BCAR3: variants seen among roughly 807,000 people sequenced by gnomAD.
The protein encoded by BCAR3 is BCAR3 adaptor protein, NSP family member.
BCAR3 carries 37 observed loss-of-function variants against 80.1 expected under a neutral mutation model. That is an observed-to-expected ratio of 0.46 (90% CI 0.36 to 0.61). The LOEUF is 0.61. Among genes scored for constraint, BCAR3 ranks in the 20% least tolerant of loss-of-function variants. The pLI, the probability that BCAR3 is intolerant of heterozygous loss-of-function variation, is 0.00. For missense variants in BCAR3, 978 were observed against 1,068.2 expected (o/e 0.92, Z 1.18); for synonymous variants, 389 against 418.9 (o/e 0.93, Z 0.87).
intron 2 of BCAR3, among the ~76,000 whole-genome samples, chr1:93,724,944 C>T (rs932449750): frequency 3.9e-5 from 6 of 152,198 alleles, no homozygotes; most frequent in Admixed American, 2.6e-4. Context: ...AACTGCCTGA[C>T]GGAAGGGTCC....
chr1:93,783,020 G>T (rs894915494), intron 2 of BCAR3, among the ~76,000 whole-genome samples: 1 of 152,054 alleles, frequency 6.6e-6, no homozygotes, highest in African/African-American at 2.4e-5. Context: ...ATTTCAGAAG[G>T]AAAAAAACAT....
At chr1:93,580,833 G>A (rs1193739206) in intron 7 of BCAR3, among the ~76,000 whole-genome samples, 1 of 152,146 alleles carries the variant, frequency 6.6e-6, no homozygotes, top group African/African-American at 2.4e-5. Flanking sequence ...ATGAACAAAA[G>A]TCACTTACAT....
At chr1:93,751,310 C>G (rs1367285878) in intron 2 of BCAR3, among the ~76,000 whole-genome samples, 1 of 152,174 alleles carries the variant, frequency 6.6e-6, no homozygotes. Context: ...TCAACATAAA[C>G]CTCTGGACTT....
chr1:93,755,702 C>T (rs890148995), intron 2 of BCAR3, among the ~76,000 whole-genome samples: 1 of 152,082 alleles, frequency 6.6e-6, no homozygotes, highest in Non-Finnish European at 1.5e-5. Flanking sequence ...CCAAATGTAT[C>T]CCCATCATTA....
At chr1:93,726,748 T>C (rs188400117) in intron 2 of BCAR3, among the ~76,000 whole-genome samples, 48 of 152,326 alleles carry the variant, frequency 3.2e-4, no homozygotes, top group African/African-American at 1.1e-3. Context: ...GTGTCTTAGA[T>C]TCTATGAAAT....
chr1:93,744,315 T>C (rs1252611462), intron 2 of BCAR3, among the ~76,000 whole-genome samples: 1 of 152,188 alleles, frequency 6.6e-6, no homozygotes, highest in African/African-American at 2.4e-5. Flanking sequence ...AGTCCCTTTC[T>C]TCCTCCTGAG....
chr1:93,589,469 C>G, intron 4 of BCAR3, 50 bp from the exon 5 acceptor site: 1 of 1,484,220 alleles, frequency 6.7e-7, no homozygotes, highest in Non-Finnish European at 9.1e-7. Context: ...ATTCACATTC[C>G]TTCTAAAAGC....
Position 93,731,847 on chromosome 1 carries a change from C to T in BCAR3, c.-62-25705G>A, listed in dbSNP as rs1210032424. Among the ~76,000 whole-genome samples the T allele has an allele frequency of 2.6e-5, 4 of 152,116 alleles. No homozygotes were observed. In the East Asian group the frequency reaches 7.7e-4, roughly 29 times the overall value. On this transcript the variant is annotated intron_variant, in intron 2 of 13. Coordinates refer to the BCAR3 transcript ENST00000370244. ...GAGTAGGGAGTGGGAATATTATCCT[C>T]CCAGATTTCAAGGGGCCTTCCCCTC...
chr1:93,687,694 AC>A (rs1649023375), intron 3 of BCAR3, among the ~76,000 whole-genome samples: 1 of 152,216 alleles, frequency 6.6e-6, no homozygotes. Context: ...TCTGAGCAGC[AC>A]AAAAGCCTTT....
intron 2 of BCAR3, among the ~76,000 whole-genome samples, chr1:93,655,081 C>T (rs374864796): frequency 3.3e-5 from 5 of 152,216 alleles, no homozygotes; most frequent in African/African-American, 4.8e-5. Flanking sequence ...TAAACCTAAG[C>T]GCAGCGTTCG....
upstream of BCAR3, among the ~76,000 whole-genome samples, chr1:93,683,733 C>A (rs1209687205): frequency 1.3e-5 from 2 of 152,166 alleles, no homozygotes; most frequent in African/African-American, 2.4e-5. Context: ...ATAGTCAAAG[C>A]ATATCTGTGA....
At chr1:93,666,130 G>A (rs116750694) in intron 2 of BCAR3, among the ~76,000 whole-genome samples, 6 of 152,174 alleles carry the variant, frequency 3.9e-5, no homozygotes, top group Non-Finnish European at 2.9e-5. Context: ...AAAACTGATC[G>A]TGCCATTCCC....
At chr1:93,749,012 T>G (rs1209217173) in intron 2 of BCAR3, among the ~76,000 whole-genome samples, 1 of 152,182 alleles carries the variant, frequency 6.6e-6, no homozygotes, top group Non-Finnish European at 1.5e-5. Context: ...AACTAAATTA[T>G]CATTAAGTTT....
intron 2 of BCAR3, among the ~76,000 whole-genome samples, chr1:93,774,908 G>A (rs1652492127): frequency 6.6e-6 from 1 of 152,084 alleles, no homozygotes; most frequent in African/African-American, 2.4e-5. Context: ...CCACACAGCA[G>A]GAAAGAAAAG....
At chr1:93,712,748 T>C (rs1324597010) in intron 2 of BCAR3, among the ~76,000 whole-genome samples, 3 of 152,192 alleles carry the variant, frequency 2.0e-5, no homozygotes, top group South Asian at 2.1e-4. Context: ...ACTATTTCCC[T>C]TATGAAAAGA....
At chr1:93,664,981 T>C (rs1647834027) in intron 2 of BCAR3, among the ~76,000 whole-genome samples, 1 of 151,816 alleles carries the variant, frequency 6.6e-6, no homozygotes, top group Non-Finnish European at 1.5e-5. Context: ...GTAAAGGCTT[T>C]TTCTAACTAA....
intron 3 of BCAR3, among the ~76,000 whole-genome samples, chr1:93,621,846 C>T (rs1361424858): frequency 6.6e-6 from 1 of 151,990 alleles, no homozygotes; most frequent in Admixed American, 6.6e-5. Flanking sequence ...GTGAAAGGTC[C>T]CCAGAAGCCA....
chr1:93,803,025 C>A (rs1253342575), intron 2 of BCAR3, among the ~76,000 whole-genome samples: 1 of 152,218 alleles, frequency 6.6e-6, no homozygotes, highest in African/African-American at 2.4e-5. Flanking sequence ...AGGAGATGCT[C>A]ACCTGTTGAA....
chr1:93,592,591 C>T lies in BCAR3; in HGVS notation c.358-198G>A, dbSNP rs1674258981. 3.3e-6 allele frequency: 2 copies of T among 613,446 alleles called. No homozygotes were observed. The highest frequency in any genetic ancestry group is 2.7e-6 in the Non-Finnish European group (1 of 374,338). The allele number at this position is 613,446 out of a possible 1,614,324, so 38.0% of individuals were successfully genotyped here. ...AACCATGTAATAAAATTTTCACCTG[C>T]ACATGGGGACTATGGTAGGAGAGTC... is the stretch of plus-strand genomic sequence containing the variant. On this transcript the variant is annotated intron_variant, in intron 3 of 11. Transcript: ENST00000260502. This position sits in a 1 kb window ranked among gnomAD's most constrained non-coding sequence, Gnocchi z 4.8.
Sources: gnomAD v4.1 joint callset for allele counts (sites outside exome capture counted in the v4.1 genomes callset) on GRCh38, gnomAD v4.1.1 for gene constraint, Gnocchi (gnomAD v3.1) non-coding constraint, MANE v1.5 for transcripts, NCBI Gene and HGNC (gene_info 2026-07-23, HGNC 2026-07-21) for gene names.